Variants in UBAC2 observed in about 807,000 individuals in gnomAD.
UBAC2 encodes ubiquitin-associated domain-containing protein 2.
In UBAC2, 26 loss-of-function variants were observed where a neutral mutation model predicts 44.0. The observed-to-expected ratio is 0.59, with a 90% confidence interval of 0.43 to 0.82. UBAC2 has a LOEUF of 0.82. UBAC2 is among the 40% of genes least tolerant of loss of function. The probability of loss-of-function intolerance (pLI) is 0.00; values close to 1 mark genes in which losing one functional copy is unlikely to be tolerated. For synonymous variants in UBAC2, 155 were observed against 154.3 expected, an observed-to-expected ratio of 1.00 and a Z score of -0.04; for missense variants, 329 against 419.4, an observed-to-expected ratio of 0.78 and a Z score of 1.88.
chr13:99,341,023 TAAA>T (rs3031415), intron 7 of UBAC2, among the ~76,000 whole-genome samples: 1 of 151,580 alleles, frequency 6.6e-6, no homozygotes, highest in Non-Finnish European at 1.5e-5. Context: ...AAGGAGTAGA[TAAA>T]AAAAAATGCT....
chr13:99,352,023 C>G (rs1008384785), intron 7 of UBAC2, among the ~76,000 whole-genome samples: 1 of 152,192 alleles, frequency 6.6e-6, no homozygotes, highest in Admixed American at 6.5e-5. Context: ...AATTGTTTCT[C>G]TCTTTATCCT....
chr13:99,213,859 G>A (rs777955919), intron 1 of UBAC2, among the ~76,000 whole-genome samples: 8 of 151,928 alleles, frequency 5.3e-5, no homozygotes, highest in Non-Finnish European at 8.8e-5. Flanking sequence ...TTGCTTTGTC[G>A]CTCAGGCTGG....
intron 1 of UBAC2, among the ~76,000 whole-genome samples, chr13:99,222,485 T>C (rs1461285359): frequency 6.6e-6 from 1 of 152,184 alleles, no homozygotes; most frequent in Non-Finnish European, 1.5e-5. Flanking sequence ...TAGTTACTAG[T>C]TGGTTATATT....
At chr13:99,211,581 C>T (rs566505239) in intron 1 of UBAC2, among the ~76,000 whole-genome samples, 1 of 152,328 alleles carries the variant, frequency 6.6e-6, no homozygotes, top group South Asian at 2.1e-4. Flanking sequence ...ACTTAATTCT[C>T]ATAACAGCCC....
At chr13:99,274,695 A>G (rs905166231) in intron 4 of UBAC2, among the ~76,000 whole-genome samples, 4 of 151,246 alleles carry the variant, frequency 2.6e-5, no homozygotes, top group Non-Finnish European at 4.4e-5. Context: ...TACTGTTATT[A>G]TGAATATCCT....
chr13:99,270,075 G>T (rs1359182084), intron 4 of UBAC2, among the ~76,000 whole-genome samples: 2 of 152,130 alleles, frequency 1.3e-5, no homozygotes, highest in Non-Finnish European at 2.9e-5. Context: ...AAACACCACT[G>T]GTATAGCAAT....
intron 5 of UBAC2, among the ~76,000 whole-genome samples, chr13:99,317,244 T>G (rs901676624): frequency 9.9e-5 from 15 of 152,210 alleles, no homozygotes; most frequent in African/African-American, 3.6e-4. Context: ...GTATCCTGCC[T>G]CTTCTTCCAC....
chr13:99,297,817 A>G (rs2044198883), intron 4 of UBAC2, among the ~76,000 whole-genome samples: 1 of 152,090 alleles, frequency 6.6e-6, no homozygotes, highest in African/African-American at 2.4e-5. Context: ...TTAAAAAAAA[A>G]AAAATTCCAG....
chr13:99,223,496 A>G (rs1461121316), intron 1 of UBAC2, among the ~76,000 whole-genome samples: 1 of 83,740 alleles, frequency 1.2e-5, no homozygotes, highest in Non-Finnish European at 2.5e-5. Flanking sequence ...TTATTTCTTT[A>G]TATCTGCTTG....
At chr13:99,287,504 A>C (rs1027036194) in intron 4 of UBAC2, among the ~76,000 whole-genome samples, 1 of 152,038 alleles carries the variant, frequency 6.6e-6, no homozygotes, top group African/African-American at 2.4e-5. Context: ...GACTAACTGC[A>C]GCCTTGACTT....
chr13:99,371,330 A>AT (rs995692398), intron 8 of UBAC2, among the ~76,000 whole-genome samples: 2 of 152,138 alleles, frequency 1.3e-5, no homozygotes, highest in African/African-American at 4.8e-5. Flanking sequence ...TTATACATTG[A>AT]TTTTCTAAAT....
intron 7 of UBAC2, among the ~76,000 whole-genome samples, chr13:99,344,521 T>C (rs190963456): frequency 2.0e-4 from 31 of 152,360 alleles, no homozygotes; most frequent in Admixed American, 5.9e-4. Flanking sequence ...ACAACTGTTA[T>C]TTATTTAAAA....
intron 8 of UBAC2, among the ~76,000 whole-genome samples, chr13:99,384,813 G>A (rs578128391): frequency 3.3e-5 from 5 of 152,234 alleles, no homozygotes; most frequent in Non-Finnish European, 7.3e-5. Context: ...GTGATGCCAG[G>A]GCCGAGCGTG....
chr13:99,336,714 T>C (rs1017643035), intron 6 of UBAC2, among the ~76,000 whole-genome samples: 3 of 152,222 alleles, frequency 2.0e-5, no homozygotes, highest in African/African-American at 7.2e-5. Context: ...TGAAATCTGA[T>C]AGGACTTACG....
chr13:99,302,728 A>C (rs1053451630), intron 4 of UBAC2, among the ~76,000 whole-genome samples: 4 of 152,222 alleles, frequency 2.6e-5, no homozygotes, highest in Non-Finnish European at 5.9e-5. Flanking sequence ...ACTGCTGTGG[A>C]GCTGTGACCA....
At chr13:99,237,255 T>G (rs538846211) in intron 1 of UBAC2, among the ~76,000 whole-genome samples, 54 of 91,482 alleles carry the variant, frequency 5.9e-4, no homozygotes, top group Non-Finnish European at 9.4e-4. Context: ...ATTTTATGCG[T>G]ATATATATAT....
intron 1 of UBAC2, among the ~76,000 whole-genome samples, chr13:99,216,834 C>CTTTTTTCTT (rs1555319441): frequency 2.1e-5 from 3 of 140,648 alleles, no homozygotes; most frequent in Middle Eastern, 3.6e-3. Context: ...TTTCTTTTTT[C>CTTTTTTCTT]TTTTTTTTTT....
At chr13:99,211,776 C>T (rs1441862802) in intron 1 of UBAC2, among the ~76,000 whole-genome samples, 1 of 152,220 alleles carries the variant, frequency 6.6e-6, no homozygotes, top group East Asian at 1.9e-4. Context: ...GTCTCCCAAC[C>T]ACTGGGATCG....
chr13:99,296,175 C>A (rs373435446), intron 4 of UBAC2: 40 of 1,534,762 alleles, frequency 2.6e-5, no homozygotes, highest in Non-Finnish European at 3.3e-5. Flanking sequence ...TAGAAAAAAA[C>A]CAAGAAGGAT....
Sources: allele counts gnomAD v4.1 joint callset (sites outside exome capture counted in the v4.1 genomes callset), GRCh38; gene constraint gnomAD v4.1.1; transcripts MANE v1.5; gene names NCBI Gene and HGNC (gene_info 2026-07-23, HGNC 2026-07-21).